The following NCAM1 variants were observed in gnomAD, a reference collection of about 807,000 sequenced individuals.
NCAM1 encodes antigen recognized by monoclonal antibody 5.1H11.
NCAM1 carries 14 observed loss-of-function variants against 109.8 expected under a neutral mutation model. That is an observed-to-expected ratio of 0.13 (90% CI 0.08 to 0.20). The LOEUF is 0.20. NCAM1 is among the 10% of genes least tolerant of loss of function. NCAM1 has a pLI of 1.00. For synonymous variants in NCAM1, 418 were observed against 442.9 expected (o/e 0.94, Z 0.70); for missense variants, 774 against 1,109.9 (o/e 0.70, Z 4.30).
chr11:113,101,001 G>A (rs185437634), intron 1 of NCAM1, among the ~76,000 whole-genome samples: 377 of 152,308 alleles, frequency 2.5e-3, no homozygotes, highest in Non-Finnish European at 3.9e-3. Flanking sequence ...AGTGTCAAAA[G>A]AAGGACTTCC....
intron 15 of NCAM1, among the ~76,000 whole-genome samples, chr11:113,249,306 G>A (rs781913825): frequency 1.2e-4 from 18 of 152,114 alleles, no homozygotes; most frequent in Non-Finnish European, 2.1e-4. Flanking sequence ...TTTTCACCAG[G>A]GTTTCTGCTC....
At chr11:113,271,135 C>T (rs1047488510) in intron 18 of NCAM1, among the ~76,000 whole-genome samples, 2 of 151,706 alleles carry the variant, frequency 1.3e-5, no homozygotes, top group South Asian at 2.1e-4. Context: ...TTTGGGAGGC[C>T]GAGATGGATG....
At chr11:113,122,558 C>T (rs557711598) in intron 1 of NCAM1, among the ~76,000 whole-genome samples, 48 of 152,200 alleles carry the variant, frequency 3.2e-4, no homozygotes, top group East Asian at 7.7e-4. Context: ...CCGAGGCAGG[C>T]GGATCACCTG....
chr11:113,044,969 TG>T (rs1466606838), intron 1 of NCAM1, among the ~76,000 whole-genome samples: 5 of 152,078 alleles, frequency 3.3e-5, no homozygotes, highest in Non-Finnish European at 7.4e-5. Context: ...TTAGCAAGGA[TG>T]GTCTTGATCT....
rs182894540 is a variant in NCAM1, at chr11:113,015,270, G to T, written c.52+53606G>T. Among the ~76,000 whole-genome samples, 273 of 152,316 alleles carry T rather than the reference G, an allele frequency of 1.8e-3. 5 individuals carry two copies. Among genetic ancestry groups the T allele is most frequent in the Admixed American group, 0.015 (225 of 15,304 alleles). ...TCCCTGACCCTCCCTGGTCCAGGTG[G>T]CAGTAGCTGGCAAGCCATAGGGGTT... On this transcript the variant is annotated intron_variant, in intron 1 of 19. Transcript: ENST00000316851.
chr11:113,237,907 T>G (rs200789259), intron 14 of NCAM1, among the ~76,000 whole-genome samples: 270 of 10,588 alleles, frequency 0.026, 6 homozygotes, highest in South Asian at 0.089. Context: ...GATATATAGA[T>G]ATATATAGAT....
At chr11:113,161,369 C>A (rs1942595902) in intron 1 of NCAM1, among the ~76,000 whole-genome samples, 1 of 152,080 alleles carries the variant, frequency 6.6e-6, no homozygotes, top group Non-Finnish European at 1.5e-5. Context: ...ACTTGGAATT[C>A]TTTTCTTTTT....
At chr11:113,171,420 T>G (rs1040644742) in intron 1 of NCAM1, among the ~76,000 whole-genome samples, 3 of 151,998 alleles carry the variant, frequency 2.0e-5, no homozygotes, top group African/African-American at 7.3e-5. Context: ...TCACCAGAGA[T>G]CAAGAGTTCG....
At chr11:113,263,736 G>A in intron 17 of NCAM1, 1 of 985,534 alleles carries the variant, frequency 1.0e-6, no homozygotes, top group Non-Finnish European at 1.2e-6. Context: ...CCGTGGTTCA[G>A]CAGTGACCCA....
At chr11:113,034,312 G>C (rs960490658) in intron 1 of NCAM1, among the ~76,000 whole-genome samples, 1 of 151,968 alleles carries the variant, frequency 6.6e-6, no homozygotes, top group Admixed American at 6.5e-5. Flanking sequence ...TTTAGGGGCT[G>C]TGAACTTGGT....
intron 13 of NCAM1, among the ~76,000 whole-genome samples, chr11:113,234,716 C>T (rs187992372): frequency 6.6e-6 from 1 of 152,310 alleles, no homozygotes; most frequent in East Asian, 1.9e-4. Flanking sequence ...ATTTGGGTTG[C>T]CTTTCGGCTA....
intron 1 of NCAM1, among the ~76,000 whole-genome samples, chr11:113,139,226 CAGAA>C (rs1373944966): frequency 3.9e-5 from 6 of 152,098 alleles, no homozygotes; most frequent in Admixed American, 3.3e-4. Context: ...TTATTACTGG[CAGAA>C]AGAAAGTCAG....
chr11:113,106,144 A>C (rs1555092532), intron 1 of NCAM1, among the ~76,000 whole-genome samples: 2 of 152,230 alleles, frequency 1.3e-5, no homozygotes, highest in African/African-American at 4.8e-5. Flanking sequence ...ATGAAATATT[A>C]AGTTTATTAT....
chr11:113,121,537 CAAA>C lies in NCAM1; in HGVS notation c.53-80823_53-80821del, dbSNP rs3051887. 9.0e-4 allele frequency among the ~76,000 whole-genome samples: 83 copies of C among 92,424 alleles called. 2 individuals carry two copies. The highest frequency in any genetic ancestry group is 3.1e-3 in the South Asian group (7 of 2,252). 60.6% of individuals were successfully genotyped at this position (92,424 alleles called of 152,430 possible). A position where few individuals can be genotyped will look rare whatever the true frequency, so the allele number is the denominator to read the frequency against. Reference sequence around the variant, plus strand: ...TGCCTGGCCAACACCACCAATCTTACAAAAAAAAAAAAAAAAAAAAAGGCACTG... The same window carrying C: ...TGCCTGGCCAACACCACCAATCTTACAAAAAAAAAAAAAAAAAAGGCACTG... On this transcript the variant is annotated intron_variant, in intron 1 of 19. Transcript: ENST00000316851.
At chr11:113,168,509 TCCTCCCAGATTGGTTTACAC>T (rs1942884192) in intron 1 of NCAM1, among the ~76,000 whole-genome samples, 1 of 152,320 alleles carries the variant, frequency 6.6e-6, no homozygotes, top group East Asian at 1.9e-4. Flanking sequence ...GCAGCGTGTG[TCCTCCCAGATTGGTTTACAC>T]CCTGCATCAC....
intron 1 of NCAM1, among the ~76,000 whole-genome samples, chr11:112,969,083 C>G (rs574989225): frequency 1.3e-5 from 2 of 152,230 alleles, no homozygotes; most frequent in South Asian, 4.1e-4. Context: ...GCAATTAATT[C>G]TGCCTGGGAC....
intron 1 of NCAM1, among the ~76,000 whole-genome samples, chr11:113,105,981 C>T (rs889765623): frequency 5.9e-5 from 9 of 152,090 alleles, no homozygotes; most frequent in South Asian, 4.2e-4. Context: ...TTTGTCATCA[C>T]CAAAAACTAA....
chr11:113,106,770 C>A (rs1445274394), intron 1 of NCAM1, among the ~76,000 whole-genome samples: 1 of 152,164 alleles, frequency 6.6e-6, no homozygotes, highest in African/African-American at 2.4e-5. Context: ...ATTGCTATTT[C>A]TGCAATTCTG....
intron 1 of NCAM1, among the ~76,000 whole-genome samples, chr11:113,019,341 G>C (rs12363153): frequency 6.6e-6 from 1 of 152,140 alleles, no homozygotes; most frequent in African/African-American, 2.4e-5. Flanking sequence ...ATTTAGGGAC[G>C]TCGCTTTACC....
Sources: gnomAD v4.1 joint callset for allele counts (sites outside exome capture counted in the v4.1 genomes callset) on GRCh38, gnomAD v4.1.1 for gene constraint, MANE v1.5 for transcripts, NCBI Gene and HGNC (gene_info 2026-07-23, HGNC 2026-07-21) for gene names.